The following USP30 variants were observed in gnomAD, a reference collection of about 807,000 sequenced individuals.
USP30 encodes the protein ubiquitin carboxyl-terminal hydrolase 30.
Under a neutral mutation model 68.2 loss-of-function variants are expected in USP30, and 41 were observed. The observed-to-expected ratio is 0.60, with a 90% CI of 0.47 to 0.78. The LOEUF is 0.78. Ranked by LOEUF, USP30 falls within the 30% of genes least tolerant of loss-of-function variation. The pLI, the probability that USP30 is intolerant of heterozygous loss-of-function variation, is 0.00. For synonymous variants in USP30, 229 were observed against 253.7 expected (o/e 0.90, Z 0.93); for missense variants, 522 against 649.4 (o/e 0.80, Z 2.13).
intron 3 of USP30, among the ~76,000 whole-genome samples, chr12:109,060,559 G>A (rs776967033): frequency 3.3e-5 from 5 of 152,076 alleles, no homozygotes; most frequent in Non-Finnish European, 5.9e-5. Context: ...TGTGCAACTC[G>A]CTGCCAGCGT....
intron 4 of USP30, among the ~76,000 whole-genome samples, chr12:109,069,629 C>T (rs920326928): frequency 6.6e-6 from 1 of 152,182 alleles, no homozygotes; most frequent in African/African-American, 2.4e-5. Flanking sequence ...GCAGGAGTTT[C>T]CTGCTCTCTT....
rs138046993 is a variant in USP30 at position 109,056,874 on chromosome 12, G to A, written c.193+83G>A. On this transcript the variant is annotated intron_variant, in intron 2 of 12. Transcript: ENST00000257548. ...GAAAACAGTACAAAGAAGGTGGGGA[G>A]GTTGGTCATATTTGTTCTCTGTATC... 1.9e-4 allele frequency: 186 copies of A among 965,966 alleles called. No individual in the cohort carries two copies. The East Asian group carries it at 4.2e-3, about 22-fold the overall frequency. The allele number at this position is 965,966 out of a possible 1,614,324, so 59.8% of individuals were successfully genotyped here. A position where few individuals can be genotyped will look rare whatever the true frequency, so the allele number is the denominator to read the frequency against.
intron 3 of USP30, among the ~76,000 whole-genome samples, chr12:109,042,398 A>T (rs185108616): frequency 6.6e-6 from 1 of 152,266 alleles, no homozygotes; most frequent in East Asian, 1.9e-4. Context: ...TTACTTATTT[A>T]TCCCTACAAT....
chr12:109,079,371 T>C (rs2041728549), intron 7 of USP30, among the ~76,000 whole-genome samples: 1 of 124,862 alleles, frequency 8.0e-6, no homozygotes, highest in Non-Finnish European at 1.7e-5. Context: ...TTTTTTTTTT[T>C]TTTTTTTTGT....
chr12:109,035,401 A>G (rs900544015), intron 3 of USP30, among the ~76,000 whole-genome samples: 2 of 151,832 alleles, frequency 1.3e-5, no homozygotes, highest in African/African-American at 2.4e-5. Flanking sequence ...GTCTCACTCT[A>G]TTGCCAGGCT....
intron 6 of USP30, 48 bp downstream of exon 6, chr12:109,072,398 G>C: frequency 6.4e-7 from 1 of 1,567,576 alleles, no homozygotes; most frequent in East Asian, 2.2e-5. Flanking sequence ...GGACTTTTAA[G>C]ATATGATAAT....
chr12:109,054,318 C>T lies in USP30; in HGVS notation c.83+1557C>T, dbSNP rs573038271. 7.9e-5 allele frequency among the ~76,000 whole-genome samples: 12 copies of T among 152,118 alleles called. No homozygotes were observed. In the South Asian group the frequency reaches 8.3e-4, roughly 11 times the overall value. On this transcript the variant is annotated intron_variant, in intron 1 of 12. Coordinates refer to ENST00000257548, the MANE Select transcript of USP30 (RefSeq NM_032663.5). Reference sequence around the variant, plus strand: ...GGTGGATTTCTTGAGCTCAGGAGTTCGAGACCAGCCTGGGCAATGTAGTGA... The same window carrying T: ...GGTGGATTTCTTGAGCTCAGGAGTTTGAGACCAGCCTGGGCAATGTAGTGA...
At chr12:109,072,104 A>G (rs576249128) in intron 5 of USP30, among the ~76,000 whole-genome samples, 5 of 152,312 alleles carry the variant, frequency 3.3e-5, no homozygotes, top group Non-Finnish European at 5.9e-5. Flanking sequence ...ATATGTTTCT[A>G]TTGCATTTGA....
chr12:109,072,324 C>A lies in USP30; in HGVS notation c.599C>A (p.Pro200His), dbSNP rs1277750391. The A allele has an allele frequency of 6.2e-7, 1 of 1,613,604 alleles. No homozygotes were observed. The highest frequency in any genetic ancestry group is 1.1e-5 in the South Asian group (1 of 91,054). ...HSLEQQSEIT[P>H]KQITCRTRGS... Reference sequence around the variant, plus strand: ...CTACAGCAGCAGTCAGAAATAACTCCCAAACAAATTACCTGCCGCACAAGA... The same window carrying A: ...CTACAGCAGCAGTCAGAAATAACTCACAAACAAATTACCTGCCGCACAAGA... The change falls in exon 6 of 13, where the codon CCC becomes CAC. Residue 200 changes from proline to histidine, a missense_variant. Pro to His is a moderately conservative substitution (Grantham distance 77). Coordinates refer to ENST00000257548, the MANE Select transcript of USP30 (RefSeq NM_032663.5).
intron 4 of USP30, among the ~76,000 whole-genome samples, chr12:109,068,970 G>A (rs185854202): frequency 9.3e-4 from 142 of 152,310 alleles, no homozygotes; most frequent in Middle Eastern, 6.8e-3. Context: ...GAGCTTCAGA[G>A]GATGCATTGG....
At chr12:109,080,825 C>T (rs973532490) in intron 7 of USP30, among the ~76,000 whole-genome samples, 3 of 152,156 alleles carry the variant, frequency 2.0e-5, no homozygotes, top group African/African-American at 4.8e-5. Context: ...GCATTCAGTA[C>T]GGTAACATGT....
At position 109,058,546 on chromosome 12, in the gene USP30, T is replaced by G. The variant is rs1248073945; in HGVS notation, c.376+438T>G. Among the ~76,000 whole-genome samples the G allele has an allele frequency of 2.7e-5, 4 of 145,830 alleles. No homozygotes were observed. In the East Asian group the frequency reaches 8.1e-4, roughly 30 times the overall value. ...GAGATCGCACCATTGCAGTCCAGCC[T>G]GAGCAACAAGAGCGAAACTCCGTCT... On this transcript the variant is annotated intron_variant, in intron 3 of 12. Transcript: ENST00000257548.
chr12:109,083,128 C>T, intron 11 of USP30, 66 bp downstream of exon 11: 1 of 1,482,392 alleles, frequency 6.7e-7, no homozygotes, highest in South Asian at 1.3e-5. Flanking sequence ...TTTGGCATCA[C>T]CACCTTCTGG....
At position 109,083,613 on chromosome 12, in the gene USP30, G is replaced by A. The variant is rs141202526; in HGVS notation, c.1168+551G>A. Among the ~76,000 whole-genome samples the A allele has an allele frequency of 1.6e-3, 244 of 152,202 alleles. 1 individual carries two copies. The highest frequency in any genetic ancestry group is 5.5e-3 in the African/African-American group (230 of 41,516). ...ACGGGGTTGAATGATTGGTCCAAGGGCAAACACCACACAGGAGAACTGGCC... is the reference window on the plus strand; with the variant it reads ...ACGGGGTTGAATGATTGGTCCAAGGACAAACACCACACAGGAGAACTGGCC... On this transcript the variant is annotated intron_variant, in intron 11 of 12. Transcript: ENST00000257548.
intron 3 of USP30, among the ~76,000 whole-genome samples, chr12:109,031,457 A>G (rs2040480507): frequency 6.6e-6 from 1 of 152,222 alleles, no homozygotes; most frequent in Non-Finnish European, 1.5e-5. Context: ...AAAGTTAAAC[A>G]TAGAATTAAT....
chr12:109,066,929 A>G (rs2041271756), intron 3 of USP30, among the ~76,000 whole-genome samples: 1 of 152,148 alleles, frequency 6.6e-6, no homozygotes, highest in South Asian at 2.1e-4. Flanking sequence ...CAACAAATTT[A>G]TATTGATGAT....
chr12:109,040,358 A>G (rs2040555349), intron 3 of USP30, among the ~76,000 whole-genome samples: 1 of 152,234 alleles, frequency 6.6e-6, no homozygotes, highest in African/African-American at 2.4e-5. Flanking sequence ...CACTTTTAAC[A>G]AGCAGCTCAA....
chr12:109,058,395 T>TC (rs1299585594), intron 3 of USP30, among the ~76,000 whole-genome samples: 1 of 151,878 alleles, frequency 6.6e-6, no homozygotes, highest in East Asian at 1.9e-4. Flanking sequence ...ATGGAGAAAC[T>TC]CCATCTCTAC....
chr12:109,085,926 G>T lies in USP30; in HGVS notation c.1549G>T (p.Glu517Ter), dbSNP rs749904458. The change falls in exon 13 of 13, where the codon GAA becomes TAA. Residue 517 changes from glutamate to a stop codon, truncating the protein, a stop_gained. Coordinates refer to ENST00000257548, the MANE Select transcript of USP30 (RefSeq NM_032663.5). LOFTEE classifies it high-confidence loss of function. ...CCAGAGCCAGGAGTGCAAGTCTGAA[G>T]AATGACTGTGCCCTCCTGCAAGGCT... ...QHQSQECKSE[E>*] The T allele has an allele frequency of 1.2e-6, 2 of 1,612,946 alleles. No individual in the cohort carries two copies. Among genetic ancestry groups the T allele is most frequent in the Non-Finnish European group, 1.7e-6 (2 of 1,179,234 alleles).
Sources: gnomAD v4.1 joint callset for allele counts (sites outside exome capture counted in the v4.1 genomes callset) on GRCh38, gnomAD v4.1.1 for gene constraint, MANE v1.5 for transcripts, NCBI Gene and HGNC (gene_info 2026-07-23, HGNC 2026-07-21) for gene names.